Variants in PDLIM3 observed in about 807,000 individuals in gnomAD.
The protein encoded by PDLIM3 is PDZ and LIM domain protein 3.
Under a neutral mutation model 37.3 loss-of-function variants are expected in PDLIM3, and 36 were observed. The ratio of observed to expected loss-of-function variants is 0.97; its 90% CI spans 0.74 to 1.28. The LOEUF is 1.28. Ranked by LOEUF, PDLIM3 falls within the 50% of genes most tolerant of loss-of-function variation. The pLI, the probability that PDLIM3 is intolerant of heterozygous loss-of-function variation, is 0.00. For missense variants in PDLIM3, 454 were observed against 485.0 expected, an observed-to-expected ratio of 0.94 and a Z score of 0.60; for synonymous variants, 174 against 182.4, an observed-to-expected ratio of 0.95 and a Z score of 0.37.
chr4:185,502,956 G>C (rs768590933), intron 7 of PDLIM3, among the ~76,000 whole-genome samples: 4 of 152,116 alleles, frequency 2.6e-5, no homozygotes. Context: ...GACCGGGCGT[G>C]GTGGCTCACG....
chr4:185,525,147 C>T lies in PDLIM3; in HGVS notation c.118G>A (p.Ala40Thr). The change falls in exon 2 of 8, where the codon GCT becomes ACT. Residue 40 changes from alanine to threonine, a missense_variant. Physicochemically the swap from Ala to Thr is moderately conservative, Grantham distance 58. Transcript: ENST00000284767. ...TRITPGSKAA[A>T]ANLCPGDVIL... ...ACATCTCCAGGACACAGGTTGGCAGCTGCCGCCTTGCTTCCTGGTGTAATC... is the reference window on the plus strand; with the variant it reads ...ACATCTCCAGGACACAGGTTGGCAGTTGCCGCCTTGCTTCCTGGTGTAATC... 6.2e-7 allele frequency: 1 copy of T among 1,614,194 alleles called. No individual in the cohort carries two copies. Among genetic ancestry groups the T allele is most frequent in the Non-Finnish European group, 8.5e-7 (1 of 1,180,016 alleles).
rs563186411 is a variant in PDLIM3 at position 185,503,039 on chromosome 4, A to G, written c.906-556T>C. Among the ~76,000 whole-genome samples, 7 of 152,280 alleles carry G rather than the reference A, an allele frequency of 4.6e-5. No individual in the cohort carries two copies. In the South Asian group the frequency reaches 8.3e-4, roughly 18 times the overall value. ...TCAGGAGATCGAGACCATCCTGGCT[A>G]ACACGGTGAAACCCCATCTCTACTA... On this transcript the variant is annotated intron_variant, in intron 7 of 7. Coordinates refer to ENST00000284767, the MANE Select transcript of PDLIM3 (RefSeq NM_014476.6).
chr4:185,534,843 C>T (rs979024090), intron 1 of PDLIM3, among the ~76,000 whole-genome samples: 1 of 152,202 alleles, frequency 6.6e-6, no homozygotes, highest in African/African-American at 2.4e-5. Flanking sequence ...AGGTCGTGCC[C>T]CGCGAACAGC....
At chr4:185,506,114 A>G (rs1433709346) in intron 6 of PDLIM3, among the ~76,000 whole-genome samples, 1 of 151,530 alleles carries the variant, frequency 6.6e-6, no homozygotes, top group East Asian at 1.9e-4. Flanking sequence ...CTGTATGCAA[A>G]ATACTTTGCA....
In PDLIM3 at chr4:185,525,129, C is replaced by T. The variant is rs1402305678; in HGVS notation, c.136G>A (p.Gly46Arg). The T allele has an allele frequency of 1.2e-6, 2 of 1,614,090 alleles. No homozygotes were observed. The highest frequency in any genetic ancestry group is 3.3e-5 in the Admixed American group (2 of 60,008). ...SKAAAANLCPGDVILAIDGFG... is the reference protein window; with the variant it reads ...SKAAAANLCPRDVILAIDGFG... ...CCGTCAATAGCCAGGATGACATCTC[C>T]AGGACACAGGTTGGCAGCTGCCGCC... is the stretch of plus-strand genomic sequence containing the variant. Residue 46 changes from glycine to arginine, a missense_variant, in exon 2 of 8, where the codon GGA becomes AGA. Coordinates refer to ENST00000284767, the MANE Select transcript of PDLIM3 (RefSeq NM_014476.6).
rs541757261 is a variant in PDLIM3 at position 185,514,527 on chromosome 4, C to T, written c.331-190G>A. On this transcript the variant is annotated intron_variant, in intron 3 of 7. Transcript: ENST00000284767. The surrounding 1 kb of genome is among the most constrained non-coding windows in gnomAD (Gnocchi z 4.0). Reference sequence around the variant, plus strand: ...TATCCGCTAAACGGTCAGGCACTGGCGGATTGGACCCCACAACAATTAGAA... The same window carrying T: ...TATCCGCTAAACGGTCAGGCACTGGTGGATTGGACCCCACAACAATTAGAA... 147 of 1,294,634 alleles carry T rather than the reference C, an allele frequency of 1.1e-4. No individual in the cohort carries two copies. The African/African-American group carries it at 2.0e-3, about 18-fold the overall frequency. The allele number at this position is 1,294,634 out of a possible 1,614,324, so 80.2% of individuals were successfully genotyped here.
intron 1 of PDLIM3, among the ~76,000 whole-genome samples, chr4:185,530,520 A>C (rs866135892): frequency 1.2e-4 from 18 of 152,208 alleles, no homozygotes; most frequent in Non-Finnish European, 1.5e-4. Context: ...TAGTGAGAAA[A>C]GACACACTGG....
Position 185,502,048 on chromosome 4 carries a change from C to G in PDLIM3, c.*246G>C. ...GAGTATGACATACAAAAAATTATTG[C>G]TTTAAATATCATTATTGCTAGCCCC... On this transcript the variant is annotated 3_prime_UTR_variant, in exon 8 of 8. Coordinates refer to ENST00000284767, the MANE Select transcript of PDLIM3 (RefSeq NM_014476.6). 3.7e-6 allele frequency: 2 copies of G among 542,940 alleles called. No individual in the cohort carries two copies. The highest frequency in any genetic ancestry group is 4.1e-5 in the South Asian group (2 of 48,400). The allele number at this position is 542,940 out of a possible 1,614,324, so 33.6% of individuals were successfully genotyped here. A position where few individuals can be genotyped will look rare whatever the true frequency, so the allele number is the denominator to read the frequency against.
At position 185,506,533 on chromosome 4, in the gene PDLIM3, T is replaced by C; in HGVS notation, c.782A>G (p.Asp261Gly). Residue 261 changes from aspartate to glycine, a missense_variant, in exon 6 of 8, where the codon GAC becomes GGC. Physicochemically the swap from Asp to Gly is moderately conservative, Grantham distance 94. Transcript: ENST00000284767. ...GSFRVLQGMV[D>G]DGSDDRPAGT... is the part of the protein sequence containing the mutation. ...CAGCGGCTGCTCACCAGAGCCATCG[T>C]CCACCATTCCCTGGAGCACTCTGAA... The C allele has an allele frequency of 1.9e-6, 3 of 1,613,770 alleles. No homozygotes were observed. The highest frequency in any genetic ancestry group is 1.7e-6 in the Non-Finnish European group (2 of 1,180,028).
intron 3 of PDLIM3, among the ~76,000 whole-genome samples, chr4:185,518,952 T>C (rs2153337045): frequency 6.6e-6 from 1 of 152,356 alleles, no homozygotes; most frequent in Admixed American, 6.5e-5. Flanking sequence ...CTTTCTTGTA[T>C]TGTGACAGGC....
At chr4:185,524,896 TA>T in intron 2 of PDLIM3, 123 bp downstream of exon 2, 1 of 901,396 alleles carries the variant, frequency 1.1e-6, no homozygotes, top group Non-Finnish European at 1.8e-6. Flanking sequence ...AGCTAATATA[TA>T]AAAAGTCAGC....
chr4:185,512,790 T>G (rs1580246050), intron 4 of PDLIM3: 1 of 984,898 alleles, frequency 1.0e-6, no homozygotes, highest in East Asian at 1.1e-4. Context: ...AACAGTAAAA[T>G]ATCATATCCT....
chr4:185,522,338 C>T lies in PDLIM3; in HGVS notation c.330+1024G>A, dbSNP rs2095724362. Among the ~76,000 whole-genome samples, 2 of 65,870 alleles carry T rather than the reference C, an allele frequency of 3.0e-5. 1 individual carries two copies. The highest frequency in any genetic ancestry group is 1.2e-4 in the Non-Finnish European group (2 of 16,038). 43.2% of individuals were successfully genotyped at this position (65,870 alleles called of 152,430 possible). ...ATAACTCAATGTGCCAACTTCTCTG[C>T]TTGTATTATTTTATTCTAATTTTTG... On this transcript the variant is annotated intron_variant, in intron 3 of 7. Coordinates refer to ENST00000284767, the MANE Select transcript of PDLIM3 (RefSeq NM_014476.6).
rs142050725 is a variant in PDLIM3, at chr4:185,502,955, T to C, written c.906-472A>G. Among the ~76,000 whole-genome samples the C allele has an allele frequency of 2.2e-3, 334 of 152,136 alleles. 1 individual carries two copies. Among genetic ancestry groups the C allele is most frequent in the Admixed American group, 6.0e-3 (92 of 15,270 alleles). The stretch of plus-strand genomic sequence containing the variant: ...AAAACAGATCAAAGACGACCGGGCG[T>C]GGTGGCTCACGCCTGAAATCCCAGC... On this transcript the variant is annotated intron_variant, in intron 7 of 7. Transcript: ENST00000284767.
intron 1 of PDLIM3, among the ~76,000 whole-genome samples, chr4:185,530,777 G>A (rs894818265): frequency 2.6e-5 from 4 of 152,170 alleles, no homozygotes; most frequent in East Asian, 3.9e-4. Context: ...TTTGTCCAGC[G>A]TATCCACCTT....
intron 1 of PDLIM3, among the ~76,000 whole-genome samples, chr4:185,525,735 A>C (rs2095732818): frequency 1.3e-5 from 2 of 152,124 alleles, no homozygotes; most frequent in Admixed American, 1.3e-4. Context: ...GCCCTCATGA[A>C]TGGGATTAGT....
intron 1 of PDLIM3, among the ~76,000 whole-genome samples, chr4:185,532,121 C>T (rs565196030): frequency 1.7e-4 from 26 of 152,012 alleles, no homozygotes; most frequent in Admixed American, 1.5e-3. Flanking sequence ...AAAAACATGA[C>T]AAATCAACTC....
chr4:185,502,751 T>C (rs1462190675), intron 7 of PDLIM3, among the ~76,000 whole-genome samples: 1 of 152,182 alleles, frequency 6.6e-6, no homozygotes, highest in Non-Finnish European at 1.5e-5. Context: ...AGAAAATTTG[T>C]AGGATCCTAC....
chr4:185,512,798 C>A (rs1377720982), intron 4 of PDLIM3: 1 of 983,962 alleles, frequency 1.0e-6, no homozygotes. Context: ...AATATCATAT[C>A]CTTTTAACTT....
Sources: gnomAD v4.1 joint callset for allele counts (sites outside exome capture counted in the v4.1 genomes callset) on GRCh38, gnomAD v4.1.1 for gene constraint, Gnocchi (gnomAD v3.1) non-coding constraint, MANE v1.5 for transcripts, NCBI Gene and HGNC (gene_info 2026-07-23, HGNC 2026-07-21) for gene names.